CNTNAP2: variants seen among roughly 807,000 people sequenced by gnomAD.
CNTNAP2 encodes contactin-associated protein-like 2.
A neutral mutation model predicts 155.2 loss-of-function variants in CNTNAP2; 98 were observed. That is an observed-to-expected ratio of 0.63 (90% CI 0.54 to 0.75). CNTNAP2 has a LOEUF of 0.75. Among genes scored for constraint, CNTNAP2 ranks in the 30% least tolerant of loss-of-function variants. The probability of loss-of-function intolerance (pLI) is 0.00; values close to 1 mark genes in which losing one functional copy is unlikely to be tolerated. For missense variants in CNTNAP2, 1,727 were observed against 1,688.1 expected, an observed-to-expected ratio of 1.02 and a Z score of -0.40; for synonymous variants, 651 against 631.2, an observed-to-expected ratio of 1.03 and a Z score of -0.47.
intron 9 of CNTNAP2, among the ~76,000 whole-genome samples, chr7:147,313,827 G>T (rs1795172181): frequency 6.6e-6 from 1 of 151,634 alleles, no homozygotes; most frequent in Admixed American, 6.6e-5. Context: ...GATGGGGATG[G>T]CATTGAATCT....
intron 13 of CNTNAP2, among the ~76,000 whole-genome samples, chr7:147,727,479 T>A (rs1387878326): frequency 6.6e-6 from 1 of 152,082 alleles, no homozygotes; most frequent in South Asian, 2.1e-4. Context: ...ATTCATCACA[T>A]TTAATTATCT....
At chr7:148,333,882 G>A (rs571525121) in intron 21 of CNTNAP2, among the ~76,000 whole-genome samples, 2 of 152,018 alleles carry the variant, frequency 1.3e-5, no homozygotes, top group East Asian at 3.9e-4. Flanking sequence ...TGAGGACACT[G>A]GAGCCTCAAG....
intron 5 of CNTNAP2, among the ~76,000 whole-genome samples, chr7:147,110,489 C>T (rs532621861): frequency 2.0e-5 from 3 of 152,038 alleles, no homozygotes; most frequent in African/African-American, 7.2e-5. Flanking sequence ...TTAAGGCTGG[C>T]ATCCATTAGC....
At chr7:146,558,537 A>G (rs1584980939) in intron 1 of CNTNAP2, among the ~76,000 whole-genome samples, 1 of 152,152 alleles carries the variant, frequency 6.6e-6, no homozygotes, top group Non-Finnish European at 1.5e-5. Context: ...TCATAACCCT[A>G]TCCATCAACT....
intron 1 of CNTNAP2, among the ~76,000 whole-genome samples, chr7:146,132,289 T>A (rs1014554370): frequency 6.6e-6 from 1 of 152,172 alleles, no homozygotes; most frequent in African/African-American, 2.4e-5. Flanking sequence ...GGTTGGTGTA[T>A]AAAGAGTACG....
At chr7:146,446,621 A>G (rs991301506) in intron 1 of CNTNAP2, among the ~76,000 whole-genome samples, 1 of 152,124 alleles carries the variant, frequency 6.6e-6, no homozygotes, top group African/African-American at 2.4e-5. Context: ...ACATTGAAAC[A>G]GTAAGTGAGA....
rs1396848227 is a variant in CNTNAP2 at position 146,721,061 on chromosome 7, TC to T, written c.98-53209del. On this transcript the variant is annotated intron_variant, in intron 1 of 23. Coordinates refer to ENST00000361727, the MANE Select transcript of CNTNAP2 (RefSeq NM_014141.6). ...TATATTCTATATATATACTCTATAT[TC>T]TATATATATACTCTATATATATACT... 2.8e-4 allele frequency among the ~76,000 whole-genome samples: 23 copies of T among 82,898 alleles called. No individual in the cohort carries two copies. The African/African-American group carries it at 2.9e-3, about 10-fold the overall frequency. 54.4% of individuals were successfully genotyped at this position (82,898 alleles called of 152,430 possible).
chr7:148,248,488 C>T (rs770673991), intron 20 of CNTNAP2, among the ~76,000 whole-genome samples: 5 of 152,198 alleles, frequency 3.3e-5, no homozygotes, highest in Non-Finnish European at 5.9e-5. Flanking sequence ...TGAGCTACCA[C>T]GCCCGGCCTA....
intron 1 of CNTNAP2, among the ~76,000 whole-genome samples, chr7:146,222,194 C>T (rs558904768): frequency 6.6e-6 from 1 of 152,252 alleles, no homozygotes; most frequent in Non-Finnish European, 1.5e-5. Flanking sequence ...CTACTATGTG[C>T]AGACACCTCT....
chr7:146,959,194 A>G (rs1025181548), intron 3 of CNTNAP2, among the ~76,000 whole-genome samples: 2 of 151,690 alleles, frequency 1.3e-5, no homozygotes, highest in African/African-American at 4.8e-5. Context: ...TAATTTTTGT[A>G]TTTTTAGTAC....
chr7:147,011,648 C>G (rs1054961911), intron 3 of CNTNAP2, among the ~76,000 whole-genome samples: 15 of 59,880 alleles, frequency 2.5e-4, no homozygotes, highest in African/African-American at 9.7e-4. Flanking sequence ...CACTCATTCT[C>G]CTCTGAGACA....
At chr7:146,252,789 G>A (rs1419645457) in intron 1 of CNTNAP2, among the ~76,000 whole-genome samples, 1 of 152,148 alleles carries the variant, frequency 6.6e-6, no homozygotes, top group Non-Finnish European at 1.5e-5. Flanking sequence ...CCATAACAAA[G>A]TGTCAACGGG....
chr7:146,671,595 C>T (rs2533077), intron 1 of CNTNAP2, among the ~76,000 whole-genome samples: 123,005 of 152,022 alleles, frequency 0.81, 50,365 homozygotes, highest in South Asian at 0.91. Flanking sequence ...TTCAAATTTC[C>T]CATACATAAA....
Position 146,230,098 on chromosome 7 carries a change from T to G in CNTNAP2, c.97+113125T>G, listed in dbSNP as rs554477589. On this transcript the variant is annotated intron_variant, in intron 1 of 23. Transcript: ENST00000361727. ...AACATATGAAACATTCTATTGAATT[T>G]TGATCTAATAAAAAATTGTATTAAA... 2.6e-4 allele frequency among the ~76,000 whole-genome samples: 39 copies of G among 152,334 alleles called. No individual in the cohort carries two copies. In the East Asian group the frequency reaches 7.5e-3, roughly 29 times the overall value.
At chr7:147,084,930 ATC>A (rs1800240432) in intron 4 of CNTNAP2, among the ~76,000 whole-genome samples, 1 of 151,536 alleles carries the variant, frequency 6.6e-6, no homozygotes, top group Non-Finnish European at 1.5e-5. Flanking sequence ...ATCATTTAAT[ATC>A]TCAAGTTTAC....
At chr7:147,967,242 A>G (rs1481281237) in intron 14 of CNTNAP2, among the ~76,000 whole-genome samples, 2 of 152,238 alleles carry the variant, frequency 1.3e-5, no homozygotes, top group African/African-American at 4.8e-5. Flanking sequence ...CTAGCCAGTA[A>G]GGCAATTTTC....
At chr7:148,270,457 G>T (rs1262760492) in intron 21 of CNTNAP2, among the ~76,000 whole-genome samples, 4 of 152,168 alleles carry the variant, frequency 2.6e-5, no homozygotes, top group African/African-American at 4.8e-5. Context: ...TGGGTCCTTG[G>T]TGCACTGACT....
At chr7:146,230,424 A>G (rs1326524540) in intron 1 of CNTNAP2, among the ~76,000 whole-genome samples, 2 of 152,220 alleles carry the variant, frequency 1.3e-5, no homozygotes, top group Non-Finnish European at 2.9e-5. Flanking sequence ...GCTAGACACT[A>G]TCTAATTTCA....
At chr7:147,139,814 C>A (rs1801558616) in intron 8 of CNTNAP2, among the ~76,000 whole-genome samples, 1 of 152,030 alleles carries the variant, frequency 6.6e-6, no homozygotes, top group African/African-American at 2.4e-5. Context: ...TTCTTAGTCT[C>A]TTTCCTTTCT....
Sources: allele counts gnomAD v4.1 joint callset (sites outside exome capture counted in the v4.1 genomes callset), GRCh38; gene constraint gnomAD v4.1.1; transcripts MANE v1.5; gene names NCBI Gene and HGNC (gene_info 2026-07-23, HGNC 2026-07-21).